SRRM4: variants seen among roughly 807,000 people sequenced by gnomAD.
SRRM4 encodes the protein serine/arginine repetitive matrix 4.
SRRM4 carries 33 observed loss-of-function variants against 68.9 expected under a neutral mutation model. That is an observed-to-expected ratio of 0.48 (90% confidence interval 0.36 to 0.64). SRRM4 has a LOEUF of 0.64. Among genes scored for constraint, SRRM4 ranks in the 30% least tolerant of loss-of-function variants. SRRM4 has a pLI of 0.00. For missense variants in SRRM4, 817 were observed against 827.1 expected (o/e 0.99, Z 0.15); for synonymous variants, 318 against 318.8 (o/e 1.00, Z 0.03).
At chr12:119,077,556 A>T (rs964803036) in intron 1 of SRRM4, among the ~76,000 whole-genome samples, 3 of 152,194 alleles carry the variant, frequency 2.0e-5, no homozygotes, top group African/African-American at 7.2e-5. Flanking sequence ...GGCATGTAAT[A>T]AATGACCCCA....
At chr12:119,038,319 C>T (rs1053293045) in intron 1 of SRRM4, among the ~76,000 whole-genome samples, 2 of 151,454 alleles carry the variant, frequency 1.3e-5, no homozygotes, top group Admixed American at 6.6e-5. Context: ...TCATGCCATT[C>T]TCCTGCCTCA....
intron 1 of SRRM4, among the ~76,000 whole-genome samples, chr12:119,093,002 T>G (rs1425422540): frequency 6.6e-6 from 1 of 152,214 alleles, no homozygotes; most frequent in African/African-American, 2.4e-5. Flanking sequence ...GGCTCCACTC[T>G]GCCTGTTATG....
At chr12:119,100,817 C>CTTTA (rs1954073757) in intron 1 of SRRM4, among the ~76,000 whole-genome samples, 2 of 152,096 alleles carry the variant, frequency 1.3e-5, no homozygotes, top group Non-Finnish European at 2.9e-5. Context: ...GGAAAGGTAA[C>CTTTA]CCCCATAGGA....
intron 8 of SRRM4, among the ~76,000 whole-genome samples, chr12:119,134,732 A>C (rs1391516921): frequency 6.6e-6 from 1 of 152,194 alleles, no homozygotes; most frequent in Non-Finnish European, 1.5e-5. Flanking sequence ...CAGTACCCAC[A>C]ACGAACTAGT....
In SRRM4 at chr12:119,158,750, C is replaced by A. The variant is rs960181783; in HGVS notation, c.*1952C>A. ...CTCCCTCCATGGAGACAAAGGCTTCCCAGAGCCACCAAAAACCTTCTTAGC... is the reference window on the plus strand; with the variant it reads ...CTCCCTCCATGGAGACAAAGGCTTCACAGAGCCACCAAAAACCTTCTTAGC... On this transcript the variant is annotated 3_prime_UTR_variant, in exon 13 of 13. Coordinates refer to ENST00000267260, the MANE Select transcript of SRRM4 (RefSeq NM_194286.4). 4 of 152,686 alleles carry A rather than the reference C, an allele frequency of 2.6e-5. No homozygotes were observed. The highest frequency in any genetic ancestry group is 1.3e-4 in the Admixed American group (2 of 15,288). The allele number at this position is 152,686 out of a possible 1,614,324, so 9.5% of individuals were successfully genotyped here.
At chr12:119,034,963 A>G (rs983662379) in intron 1 of SRRM4, among the ~76,000 whole-genome samples, 3 of 152,316 alleles carry the variant, frequency 2.0e-5, no homozygotes, top group African/African-American at 7.2e-5. Flanking sequence ...CATAACCAAT[A>G]TAACATCTTG....
At chr12:119,124,470 A>G (rs190808254) in intron 6 of SRRM4, 1 of 152,316 alleles carries the variant, frequency 6.6e-6, no homozygotes, top group East Asian at 1.9e-4. Context: ...CTTTGTTGAG[A>G]TAACCAAGTT....
In SRRM4 at chr12:119,076,369, G is replaced by C. The variant is rs1010988456; in HGVS notation, c.132-25867G>C. Among the ~76,000 whole-genome samples, 6 of 152,246 alleles carry C rather than the reference G, an allele frequency of 3.9e-5. 1 individual carries two copies. Among genetic ancestry groups the C allele is most frequent in the Admixed American group, 2.6e-4 (4 of 15,296 alleles). On this transcript the variant is annotated intron_variant, in intron 1 of 12. Transcript: ENST00000267260. ...TTGAGAGGGTTATTTGCCTAAACTT[G>C]TAAGCTAATAGGTGATGGGGATCAG...
rs952373971 is a variant in SRRM4 at position 119,157,147 on chromosome 12, GTTC to G, written c.*354_*356del. The G allele has an allele frequency of 1.3e-4, 32 of 255,466 alleles. No individual in the cohort carries two copies. Among genetic ancestry groups the G allele is most frequent in the Non-Finnish European group, 2.3e-4 (31 of 135,116 alleles). The allele number at this position is 255,466 out of a possible 1,614,324, so 15.8% of individuals were successfully genotyped here. ...CCCTGGCCAGGAAAATGTGGAGACA[GTTC>G]TTCTCCTCCACTGCTCACAGGAGGC... On this transcript the variant is annotated 3_prime_UTR_variant, in exon 13 of 13. Transcript: ENST00000267260. This position sits in a 1 kb window ranked among gnomAD's most constrained non-coding sequence, Gnocchi z 4.1.
chr12:119,112,253 C>A (rs897761588), intron 2 of SRRM4, among the ~76,000 whole-genome samples: 8 of 152,088 alleles, frequency 5.3e-5, no homozygotes, highest in African/African-American at 1.9e-4. Context: ...CAATGAGATG[C>A]CATCTCACGC....
At chr12:119,042,910 C>T (rs184989990) in intron 1 of SRRM4, among the ~76,000 whole-genome samples, 6 of 152,094 alleles carry the variant, frequency 3.9e-5, no homozygotes, top group South Asian at 2.1e-4. Context: ...GGCAAGGCTG[C>T]GGAGAAATAG....
chr12:119,019,024 C>G (rs1371947203), intron 1 of SRRM4, among the ~76,000 whole-genome samples: 1 of 152,078 alleles, frequency 6.6e-6, no homozygotes, highest in Non-Finnish European at 1.5e-5. Flanking sequence ...GGGAACTTTC[C>G]CAGAACTGAA....
At chr12:119,143,062 C>A (rs950940102) in intron 8 of SRRM4, among the ~76,000 whole-genome samples, 45 of 152,288 alleles carry the variant, frequency 3.0e-4, no homozygotes, top group African/African-American at 1.1e-3. Context: ...GGTAAAGTGG[C>A]AGCTGTGCTG....
At chr12:119,038,433 G>C (rs954817520) in intron 1 of SRRM4, among the ~76,000 whole-genome samples, 1 of 151,982 alleles carries the variant, frequency 6.6e-6, no homozygotes, top group East Asian at 1.9e-4. Context: ...GGATGGTCTC[G>C]ATCTCCTGAC....
chr12:119,143,408 ATTAGATGTCTAAATGT>A (rs1954379183), intron 8 of SRRM4, among the ~76,000 whole-genome samples: 1 of 152,240 alleles, frequency 6.6e-6, no homozygotes, highest in African/African-American at 2.4e-5. Flanking sequence ...AGACCCACAA[ATTAGATGTCTAAATGT>A]TTATAAATAA....
chr12:119,045,896 G>A (rs1351962421), intron 1 of SRRM4, among the ~76,000 whole-genome samples: 2 of 152,022 alleles, frequency 1.3e-5, no homozygotes, highest in Non-Finnish European at 2.9e-5. Flanking sequence ...AAATTAGCCA[G>A]GCGTGGTGGT....
intron 1 of SRRM4, among the ~76,000 whole-genome samples, chr12:119,031,602 C>A (rs569867566): frequency 1.5e-4 from 23 of 152,210 alleles, no homozygotes; most frequent in African/African-American, 5.3e-4. Flanking sequence ...GATAAATTGA[C>A]CCCTGGGATA....
chr12:119,123,717 T>C (rs1007758608), intron 6 of SRRM4, among the ~76,000 whole-genome samples: 2 of 152,230 alleles, frequency 1.3e-5, no homozygotes, highest in Non-Finnish European at 2.9e-5. Context: ...TTACCAAGTC[T>C]ACGGTCAGGG....
At chr12:119,121,185 C>T (rs1430248079) in intron 5 of SRRM4, among the ~76,000 whole-genome samples, 1 of 152,170 alleles carries the variant, frequency 6.6e-6, no homozygotes, top group Non-Finnish European at 1.5e-5. Flanking sequence ...CCTGGGCTCT[C>T]CCACTGCCTA....
Sources: allele counts gnomAD v4.1 joint callset (sites outside exome capture counted in the v4.1 genomes callset), GRCh38; gene constraint gnomAD v4.1.1; non-coding constraint Gnocchi (gnomAD v3.1); transcripts MANE v1.5; gene names NCBI Gene and HGNC (gene_info 2026-07-23, HGNC 2026-07-21).